Variants in SEMA5B observed in about 807,000 individuals in gnomAD.
SEMA5B encodes the protein semaphorin-5B.
A neutral mutation model predicts 135.0 loss-of-function variants in SEMA5B; 66 were observed. That is an observed-to-expected ratio of 0.49 (90% CI 0.40 to 0.60). The LOEUF (loss-of-function observed/expected upper bound fraction) is 0.60, where lower values mean the gene tolerates loss of function less well. Ranked by LOEUF, SEMA5B falls within the 20% of genes least tolerant of loss-of-function variation. The probability of loss-of-function intolerance (pLI) is 0.00; values close to 1 mark genes in which losing one functional copy is unlikely to be tolerated. For missense variants in SEMA5B, 1,501 were observed against 1,566.3 expected, an observed-to-expected ratio of 0.96 and a Z score of 0.70; for synonymous variants, 690 against 639.5, an observed-to-expected ratio of 1.08 and a Z score of -1.19.
intron 1 of SEMA5B, among the ~76,000 whole-genome samples, chr3:123,013,037 G>T (rs1356758374): frequency 6.6e-6 from 1 of 152,202 alleles, no homozygotes; most frequent in African/African-American, 2.4e-5. Flanking sequence ...GCAGGGTCCT[G>T]CATAATGGAG....
Position 122,927,995 on chromosome 3 carries a change from G to T in SEMA5B, c.645C>A (p.Asn215Lys). 6.8e-7 allele frequency: 1 copy of T among 1,470,308 alleles called. No homozygotes were observed. Among genetic ancestry groups the T allele is most frequent in the Non-Finnish European group, 9.0e-7 (1 of 1,105,378 alleles). The allele number at this position is 1,470,308 out of a possible 1,614,324, so 91.1% of individuals were successfully genotyped here. ...TGATCTTCTCAATAGTCCGGCTGAG[G>T]TTCCCCACCTGGGGACAATGGGGAG... ...SPMCTSRQVG[N>K]LSRTIEKING... The change falls in exon 8 of 23, where the codon AAC becomes AAA. Residue 215 changes from asparagine (N) to lysine (K), a missense_variant. Transcript: ENST00000357599.
At chr3:122,926,733 C>T in intron 8 of SEMA5B, 56 bp from the exon 9 acceptor site, 1 of 1,581,724 alleles carries the variant, frequency 6.3e-7, no homozygotes, top group Non-Finnish European at 8.6e-7. Flanking sequence ...AAGAAGATGG[C>T]AGAGTCGGGA....
chr3:122,910,859 T>C lies in SEMA5B; in HGVS notation c.3278A>G (p.Tyr1093Cys). Residue 1093 changes from tyrosine to cysteine, a missense_variant, in exon 22 of 23, where the codon TAC (tyrosine) becomes TGC (cysteine). Around this residue, in one of 2 missense-constraint regions of SEMA5B, gnomAD observed 927 missense variants for 881.6 expected, o/e 1.05. Coordinates refer to ENST00000357599, the MANE Select transcript of SEMA5B (RefSeq NM_001031702.4). ...KGGGTPKNEK[Y>C]TPMEFKTLNK... ...TCCCACCTTGAATTCCATGGGTGTG[T>C]ACTTTTCATTCTTCGGGGTGCCTCC... 3 of 1,610,122 alleles carry C rather than the reference T, an allele frequency of 1.9e-6. No homozygotes were observed. The highest frequency in any genetic ancestry group is 2.5e-6 in the Non-Finnish European group (3 of 1,179,176).
At chr3:123,011,127 C>A (rs976027954) in intron 1 of SEMA5B, among the ~76,000 whole-genome samples, 12 of 152,188 alleles carry the variant, frequency 7.9e-5, no homozygotes, top group East Asian at 1.9e-4. Flanking sequence ...CCCCTTCCCC[C>A]CAAAGCTGCC....
intron 1 of SEMA5B, among the ~76,000 whole-genome samples, chr3:122,966,748 C>T (rs1250076537): frequency 6.7e-6 from 1 of 150,224 alleles, no homozygotes; most frequent in Non-Finnish European, 1.5e-5. Flanking sequence ...TTAGTAGAGA[C>T]GGGGTTTCAC....
At chr3:122,932,347 G>A (rs1939020371) in intron 5 of SEMA5B, among the ~76,000 whole-genome samples, 1 of 140,642 alleles carries the variant, frequency 7.1e-6, no homozygotes, top group Non-Finnish European at 1.5e-5. Context: ...TCAACCTCCT[G>A]GGTGTTAGTC....
Position 122,915,736 on chromosome 3 carries a change from AG to A in SEMA5B, c.1806+36del, listed in dbSNP as rs751396571. ...GGGGAGTCATAGCCTGAATTGAAGG[AG>A]GGGTCTGAGATGGGAGGACACAAGG... On this transcript the variant is annotated intron_variant, in intron 13 of 22. Coordinates refer to ENST00000357599, the MANE Select transcript of SEMA5B (RefSeq NM_001031702.4). 2.8e-5 allele frequency: 45 copies of A among 1,606,510 alleles called. No homozygotes were observed. The East Asian group carries it at 1.0e-3, about 36-fold the overall frequency.
chr3:123,017,886 C>T (rs761681714), intron 1 of SEMA5B, among the ~76,000 whole-genome samples: 4 of 148,014 alleles, frequency 2.7e-5, no homozygotes, highest in South Asian at 2.2e-4. Flanking sequence ...CCAGCCTGGG[C>T]GACAGAGTGA....
At chr3:123,021,855 G>T (rs1942688137) in intron 1 of SEMA5B, among the ~76,000 whole-genome samples, 1 of 152,106 alleles carries the variant, frequency 6.6e-6, no homozygotes, top group African/African-American at 2.4e-5. Context: ...TCAATATACA[G>T]CAGAGTTACC....
chr3:122,999,347 C>T (rs577866363), intron 1 of SEMA5B, among the ~76,000 whole-genome samples: 3 of 152,160 alleles, frequency 2.0e-5, no homozygotes, highest in Non-Finnish European at 2.9e-5. Context: ...GTTACTCAGC[C>T]TCCCAAGTAG....
rs1942155187 is a variant in SEMA5B, at chr3:123,000,906, TG to T, written c.-39+26557del. On this transcript the variant is annotated intron_variant, in intron 1 of 22. Transcript: ENST00000357599. ...GTGGTCGTAGTTGATCTGCTCCAGG[TG>T]GAGAACCACCTGAGGCGAGAAATAA... 2.0e-5 allele frequency among the ~76,000 whole-genome samples: 3 copies of T among 152,182 alleles called. No individual in the cohort carries two copies. The South Asian group carries it at 6.2e-4, about 32-fold the overall frequency.
chr3:122,961,721 G>C (rs1310299140), intron 1 of SEMA5B, among the ~76,000 whole-genome samples: 1 of 152,056 alleles, frequency 6.6e-6, no homozygotes, highest in Non-Finnish European at 1.5e-5. Context: ...GCCTCCCAAA[G>C]TGTCCTCCTG....
At chr3:122,980,562 C>T (rs1941491238) in intron 1 of SEMA5B, among the ~76,000 whole-genome samples, 1 of 151,990 alleles carries the variant, frequency 6.6e-6, no homozygotes, top group Non-Finnish European at 1.5e-5. Flanking sequence ...GCTTGAAGAC[C>T]AGGACCAAGG....
At chr3:122,999,450 C>T (rs932544210) in intron 1 of SEMA5B, among the ~76,000 whole-genome samples, 1 of 152,106 alleles carries the variant, frequency 6.6e-6, no homozygotes, top group African/African-American at 2.4e-5. Flanking sequence ...GTCTCAAACT[C>T]CCTACCGCAG....
chr3:122,973,336 G>A (rs1051619139), intron 1 of SEMA5B, among the ~76,000 whole-genome samples: 5 of 152,210 alleles, frequency 3.3e-5, no homozygotes, highest in Non-Finnish European at 4.4e-5. Context: ...CTAACCCAGA[G>A]GACATAAGCT....
At position 122,911,934 on chromosome 3, in the gene SEMA5B, T is replaced by C. The variant is rs561492766; in HGVS notation, c.3032A>G (p.Tyr1011Cys). The C allele has an allele frequency of 2.5e-6, 4 of 1,600,228 alleles. No individual in the cohort carries two copies. The highest frequency in any genetic ancestry group is 2.6e-6 in the Non-Finnish European group (3 of 1,170,212). Residue 1011 changes from tyrosine (Y) to cysteine (C), a missense_variant, in exon 20 of 23, where the codon TAC (tyrosine) becomes TGC (cysteine). Transcript: ENST00000357599. ...GNSSQSRPCP[Y>C]SEIPVILPAS... ...GGGGTACCTACCGGGAATCTCGCTGTAGGGGCAGGGGCGGCTCTGGCTGCT... is the reference window on the plus strand; with the variant it reads ...GGGGTACCTACCGGGAATCTCGCTGCAGGGGCAGGGGCGGCTCTGGCTGCT...
intron 1 of SEMA5B, among the ~76,000 whole-genome samples, chr3:123,024,714 C>A (rs943327706): frequency 3.3e-5 from 5 of 152,202 alleles, no homozygotes; most frequent in Non-Finnish European, 7.3e-5. Flanking sequence ...TCCAGTCAAT[C>A]CCCAAGGTAC....
intron 1 of SEMA5B, among the ~76,000 whole-genome samples, chr3:123,014,633 A>G (rs1942512496): frequency 6.6e-6 from 1 of 152,250 alleles, no homozygotes; most frequent in African/African-American, 2.4e-5. Flanking sequence ...ACCTCTTAGC[A>G]AATCCTTGGA....
At chr3:122,914,138 A>T (rs1162281556) in intron 14 of SEMA5B, 137 bp from the exon 15 acceptor site, 3 of 948,738 alleles carry the variant, frequency 3.2e-6, no homozygotes, top group South Asian at 2.3e-5. Flanking sequence ...CTTCTCCTAA[A>T]CAGGTCATCT....
Sources: gnomAD v4.1 joint callset for allele counts (sites outside exome capture counted in the v4.1 genomes callset) on GRCh38, gnomAD v4.1.1 for gene constraint, gnomAD v4.1.1 regional missense constraint, MANE v1.5 for transcripts, NCBI Gene and HGNC (gene_info 2026-07-23, HGNC 2026-07-21) for gene names.